Variants in ADAMTS13 observed in about 807,000 individuals in gnomAD.
ADAMTS13 encodes ADAM metallopeptidase with thrombospondin type 1 motif 13.
Under a neutral mutation model 155.1 loss-of-function variants are expected in ADAMTS13, and 110 were observed. That is an observed-to-expected ratio of 0.71 (90% confidence interval 0.61 to 0.83). The LOEUF is 0.83. Among genes scored for constraint, ADAMTS13 ranks in the 40% least tolerant of loss-of-function variants. ADAMTS13 has a pLI of 0.00. For missense variants in ADAMTS13, 1,707 were observed against 1,891.7 expected (o/e 0.90, Z 1.81); for synonymous variants, 758 against 756.4 (o/e 1.00, Z -0.03).
chr9:133,429,641 C>G, intron 7 of ADAMTS13: 1 of 588,758 alleles, frequency 1.7e-6, no homozygotes, highest in Non-Finnish European at 3.2e-6. Context: ...TCCCTGCGTC[C>G]CCTTCCCGCC....
At chr9:133,428,099 C>T (rs1840402005) in intron 6 of ADAMTS13, among the ~76,000 whole-genome samples, 1 of 152,318 alleles carries the variant, frequency 6.6e-6, no homozygotes, top group East Asian at 1.9e-4. Context: ...ATTAGGAGTC[C>T]TCCATCAGTT....
chr9:133,418,341 C>T (rs587662629), upstream of ADAMTS13, among the ~76,000 whole-genome samples: 2 of 152,354 alleles, frequency 1.3e-5, no homozygotes, highest in Non-Finnish European at 2.9e-5. Context: ...TCGCCTGCGT[C>T]CTGGACTCTC....
In ADAMTS13 at chr9:133,433,719, T is replaced by A. The variant is rs1564418669; in HGVS notation, c.1308+15T>A. ...GCAACACTCAGGTAGGCCTGCTTCC[T>A]GGGGTAGGAGGGGGCAGCTGGTGGC... On this transcript the variant is annotated intron_variant, in intron 11 of 28. Coordinates refer to ENST00000355699, the MANE Select transcript of ADAMTS13 (RefSeq NM_139027.6). 1.9e-6 allele frequency: 3 copies of A among 1,612,210 alleles called. No individual in the cohort carries two copies. The highest frequency in any genetic ancestry group is 2.5e-6 in the Non-Finnish European group (3 of 1,179,916).
rs1006526649 is a variant in ADAMTS13, at chr9:133,424,590, T to C, written c.330+112T>C. On this transcript the variant is annotated intron_variant, in intron 3 of 28. Coordinates refer to ENST00000355699, the MANE Select transcript of ADAMTS13 (RefSeq NM_139027.6). This position sits in a 1 kb window ranked among gnomAD's most constrained non-coding sequence, Gnocchi z 4.3. ...TACAGTGGGTTAAACTCAGGTAGAA[T>C]GGCTCGGGGTTCTTCCTCTTCTCCC... 1 of 1,481,326 alleles carries C rather than the reference T, an allele frequency of 6.8e-7. No individual in the cohort carries two copies. Among genetic ancestry groups the C allele is most frequent in the South Asian group, 1.2e-5 (1 of 81,882 alleles). The allele number at this position is 1,481,326 out of a possible 1,614,324, so 91.8% of individuals were successfully genotyped here.
Position 133,445,046 on chromosome 9 carries a change from G to T in ADAMTS13, c.2604G>T (p.Trp868Cys). 1 of 1,612,750 alleles carries T rather than the reference G, an allele frequency of 6.2e-7. No homozygotes were observed. Among genetic ancestry groups the T allele is most frequent in the Non-Finnish European group, 8.5e-7 (1 of 1,179,898 alleles). Residue 868 changes from tryptophan (W) to cysteine (C), a missense_variant, in exon 20 of 29, where the codon TGG becomes TGT. Trp to Cys is a radical substitution (Grantham distance 215, BLOSUM62 -2). Around this residue, in one of 3 missense-constraint regions of ADAMTS13, gnomAD observed 961 missense variants for 1,107.9 expected, o/e 0.87. Coordinates refer to ENST00000355699, the MANE Select transcript of ADAMTS13 (RefSeq NM_139027.6). The surrounding 1 kb of genome is among the most constrained non-coding windows in gnomAD (Gnocchi z 5.0). ...PCVGMSCPPGWGHLDATSAGE... is the reference protein window; with the variant it reads ...PCVGMSCPPGCGHLDATSAGE... Reference sequence around the variant, plus strand: ...TCGGGATGTCATGTCCTCCAGGCTGGGGCCATGTGAGTGCCCTGGGCATGA... The same window carrying T: ...TCGGGATGTCATGTCCTCCAGGCTGTGGCCATGTGAGTGCCCTGGGCATGA...
rs1841492775 is a variant in ADAMTS13, at chr9:133,439,389, AC to A, written c.1734del (p.Asn579ThrfsTer2). ...AGAATATGTCACGTTTCTGACAGTT[AC>A]CCCCAACCTGACCAGTGTCTACATT... The part of the protein sequence containing the change: ...AREYVTFLTV[T>X]PNLTSVYIAN... On this transcript the variant is annotated frameshift_variant, in exon 15 of 29. Transcript: ENST00000355699. LOFTEE classifies it high-confidence loss of function. 1 of 1,613,870 alleles carries A rather than the reference AC, an allele frequency of 6.2e-7. No individual in the cohort carries two copies.
At chr9:133,426,494 CAG>C (rs1374155817) in intron 6 of ADAMTS13, 149 bp downstream of exon 6, 13 of 1,110,660 alleles carry the variant, frequency 1.2e-5, no homozygotes, top group Non-Finnish European at 1.6e-5. Context: ...GGTGTGAGGA[CAG>C]GGGAACCTGA....
rs1375153232 is a variant in ADAMTS13 at position 133,445,988 on chromosome 9, T to G, written c.2731+169T>G. 6.6e-6 allele frequency among the ~76,000 whole-genome samples: 1 copy of G among 152,196 alleles called. No homozygotes were observed. The highest frequency in any genetic ancestry group is 1.5e-5 in the Non-Finnish European group (1 of 68,030). On this transcript the variant is annotated intron_variant, in intron 21 of 28. Transcript: ENST00000355699. This position sits in a 1 kb window ranked among gnomAD's most constrained non-coding sequence, Gnocchi z 5.0. Reference sequence around the variant, plus strand: ...ACTAAGCATAGTAGCTGACAGCCACTTCAAATGTGGGTGTTGATTGGCTGA... The same window carrying G: ...ACTAAGCATAGTAGCTGACAGCCACGTCAAATGTGGGTGTTGATTGGCTGA...
intron 23 of ADAMTS13, among the ~76,000 whole-genome samples, chr9:133,451,086 C>G (rs1040829696): frequency 6.6e-6 from 1 of 152,190 alleles, no homozygotes; most frequent in African/African-American, 2.4e-5. Context: ...ATTTGCCTAC[C>G]TCATTTACAA....
intron 1 of ADAMTS13, among the ~76,000 whole-genome samples, 177 bp from the exon 2 acceptor site, chr9:133,422,924 C>G (rs1395954825): frequency 7.0e-6 from 1 of 143,416 alleles, no homozygotes; most frequent in Non-Finnish European, 1.5e-5. Flanking sequence ...TTTTTTCTTT[C>G]TCTCTCTCTC....
rs1183439326 is a variant in ADAMTS13 at position 133,445,931 on chromosome 9, C to T, written c.2731+112C>T. ...TGAGGTGGATTGCAGAAAATCCAGA[C>T]TATATGGGAACACGTGGTAATACAC... is the stretch of plus-strand genomic sequence containing the variant. On this transcript the variant is annotated intron_variant, in intron 21 of 28. Transcript: ENST00000355699. This position sits in a 1 kb window ranked among gnomAD's most constrained non-coding sequence, Gnocchi z 5.0. The T allele has an allele frequency of 2.8e-6, 4 of 1,421,900 alleles. No individual in the cohort carries two copies. The African/African-American group carries it at 5.7e-5, about 20-fold the overall frequency. The allele number at this position is 1,421,900 out of a possible 1,614,324, so 88.1% of individuals were successfully genotyped here.
chr9:133,436,504 C>T (rs1841227424), intron 11 of ADAMTS13, among the ~76,000 whole-genome samples: 1 of 152,188 alleles, frequency 6.6e-6, no homozygotes, highest in African/African-American at 2.4e-5. Flanking sequence ...CCTCTAGGTG[C>T]ACTACCTAAA....
chr9:133,454,137 G>A (rs1442065933), intron 23 of ADAMTS13, among the ~76,000 whole-genome samples: 3 of 152,084 alleles, frequency 2.0e-5, no homozygotes, highest in Non-Finnish European at 4.4e-5. Flanking sequence ...GGCAACCCCT[G>A]GGGTGCTGAC....
rs1359720694 is a variant in ADAMTS13, at chr9:133,441,840, G to C, written c.1969-559G>C. Among the ~76,000 whole-genome samples the C allele has an allele frequency of 1.3e-5, 2 of 152,196 alleles. No individual in the cohort carries two copies. Among genetic ancestry groups the C allele is most frequent in the Non-Finnish European group, 2.9e-5 (2 of 68,040 alleles). ...CTCTGGCTCCAGAAGCACTTTCTGT[G>C]CTGGCCCTGCCCTAGCCCTTCTTGG... On this transcript the variant is annotated intron_variant, in intron 16 of 28. Transcript: ENST00000355699. This position sits in a 1 kb window ranked among gnomAD's most constrained non-coding sequence, Gnocchi z 5.0.
chr9:133,445,653 C>A lies in ADAMTS13; in HGVS notation c.2611-46C>A, dbSNP rs782285738. ...AAGATCGAGACGGGGATCGCTGGGT[C>A]CTCAGAGGAGGCCCAGACCCACCAG... On this transcript the variant is annotated intron_variant, in intron 20 of 28. Coordinates refer to ENST00000355699, the MANE Select transcript of ADAMTS13 (RefSeq NM_139027.6). This position sits in a 1 kb window ranked among gnomAD's most constrained non-coding sequence, Gnocchi z 5.0. 6.2e-7 allele frequency: 1 copy of A among 1,612,158 alleles called. No individual in the cohort carries two copies. The highest frequency in any genetic ancestry group is 1.1e-5 in the South Asian group (1 of 91,022).
upstream of ADAMTS13, among the ~76,000 whole-genome samples, chr9:133,421,109 T>C (rs1187305009): frequency 1.3e-5 from 2 of 151,974 alleles, no homozygotes; most frequent in Non-Finnish European, 2.9e-5. Flanking sequence ...CTACTAAAAA[T>C]ACAAAAACTA....
At chr9:133,422,097 C>T (rs987331808), upstream of ADAMTS13, 3 of 325,240 alleles carry the variant, frequency 9.2e-6, no homozygotes, top group South Asian at 5.1e-5. Context: ...TGTGAACCCC[C>T]GTCTGTGGGT....
intron 6 of ADAMTS13, among the ~76,000 whole-genome samples, chr9:133,428,394 C>G (rs782806349): frequency 1.1e-4 from 16 of 152,220 alleles, no homozygotes; most frequent in Non-Finnish European, 2.1e-4. Flanking sequence ...GCAAAAGATG[C>G]GAGAGCCACC....
intron 8 of ADAMTS13, among the ~76,000 whole-genome samples, chr9:133,431,344 T>TTG (rs1840749437): frequency 6.7e-6 from 1 of 150,086 alleles, no homozygotes. Context: ...TTTTTTTTTT[T>TTG]GAGACAGAGT....
Sources: allele counts gnomAD v4.1 joint callset (sites outside exome capture counted in the v4.1 genomes callset), GRCh38; gene constraint gnomAD v4.1.1; regional missense constraint gnomAD v4.1.1; non-coding constraint Gnocchi (gnomAD v3.1); transcripts MANE v1.5; gene names NCBI Gene and HGNC (gene_info 2026-07-23, HGNC 2026-07-21).